Variants in PHYHIPL observed in about 807,000 individuals in gnomAD.
The protein encoded by PHYHIPL is phytanoyl-CoA 2-hydroxylase interacting protein like, also known as phytanoyl-CoA hydroxylase-interacting protein-like.
PHYHIPL carries 9 observed loss-of-function variants against 33.4 expected under a neutral mutation model. The ratio of observed to expected loss-of-function variants is 0.27; its 90% CI spans 0.16 to 0.47. The LOEUF is 0.47. PHYHIPL is among the 20% of genes least tolerant of loss of function. The pLI, the probability that PHYHIPL is intolerant of heterozygous loss-of-function variation, is 0.99. For synonymous variants in PHYHIPL, 153 were observed against 154.1 expected, an observed-to-expected ratio of 0.99 and a Z score of 0.05; for missense variants, 365 against 460.7, an observed-to-expected ratio of 0.79 and a Z score of 1.90.
At chr10:59,213,342 C>A (rs1358209303) in intron 1 of PHYHIPL, among the ~76,000 whole-genome samples, 1 of 152,104 alleles carries the variant, frequency 6.6e-6, no homozygotes, top group Non-Finnish European at 1.5e-5. Flanking sequence ...TATACTCTAG[C>A]CTTATTTCCT....
chr10:59,206,676 T>C (rs1458334206), intron 1 of PHYHIPL: 2 of 447,256 alleles, frequency 4.5e-6, no homozygotes, highest in Admixed American at 5.1e-5. Flanking sequence ...CAAATTTGTA[T>C]ATTGGTACAT....
At chr10:59,240,277 T>C (rs1840352906) in intron 4 of PHYHIPL, among the ~76,000 whole-genome samples, 1 of 152,054 alleles carries the variant, frequency 6.6e-6, no homozygotes, top group Non-Finnish European at 1.5e-5. Context: ...GCAATGACCA[T>C]ATAGACTTAG....
intron 1 of PHYHIPL, among the ~76,000 whole-genome samples, chr10:59,225,946 A>G (rs1324301932): frequency 1.3e-5 from 2 of 152,166 alleles, no homozygotes; most frequent in East Asian, 1.9e-4. Flanking sequence ...CTATGAAACA[A>G]TTCTACAGAG....
At chr10:59,192,941 G>A (rs1838819304) in intron 1 of PHYHIPL, among the ~76,000 whole-genome samples, 2 of 152,216 alleles carry the variant, frequency 1.3e-5, no homozygotes, top group South Asian at 4.1e-4. Flanking sequence ...TTTTCAGAAG[G>A]CTGTTAGAAA....
At chr10:59,193,386 G>A (rs546853678) in intron 1 of PHYHIPL, among the ~76,000 whole-genome samples, 1 of 152,130 alleles carries the variant, frequency 6.6e-6, no homozygotes, top group South Asian at 2.1e-4. Context: ...AACATAATCT[G>A]TGTTGCATAA....
rs200707135 is a variant in PHYHIPL at position 59,245,108 on chromosome 10, C to T, written c.648C>T (p.Ser216=). 4.6e-5 allele frequency: 74 copies of T among 1,613,782 alleles called. No individual in the cohort carries two copies. The highest frequency in any genetic ancestry group is 3.1e-5 in the Non-Finnish European group (36 of 1,179,872). Residue 216 remains serine, a synonymous_variant, in exon 5 of 5, where the codon AGC becomes AGT. Transcript: ENST00000373880. ...CATCTGTCAAGGATAACAGTGGTAG[C>T]CATGGCTCTCCTATCAGTGGAAAAT... ...MQPSVKDNSG[S]HGSPISGKLE...
intron 1 of PHYHIPL, among the ~76,000 whole-genome samples, chr10:59,214,930 C>T (rs1237960558): frequency 6.6e-6 from 1 of 151,932 alleles, no homozygotes; most frequent in Non-Finnish European, 1.5e-5. Flanking sequence ...ATAGAACATT[C>T]TAGATGGATA....
chr10:59,184,263 C>T (rs1393498336), intron 1 of PHYHIPL, among the ~76,000 whole-genome samples: 1 of 152,158 alleles, frequency 6.6e-6, no homozygotes, highest in Admixed American at 6.5e-5. Flanking sequence ...TCTATGGCTA[C>T]TTTCTTGCTA....
At chr10:59,221,824 C>A in intron 1 of PHYHIPL, 1 of 451,974 alleles carries the variant, frequency 2.2e-6, no homozygotes, top group Non-Finnish European at 2.9e-6. Flanking sequence ...GCTTCAGAGT[C>A]TGAAGTTCCA....
At chr10:59,225,767 A>T (rs147495500) in intron 1 of PHYHIPL, among the ~76,000 whole-genome samples, 1 of 152,202 alleles carries the variant, frequency 6.6e-6, no homozygotes, top group Non-Finnish European at 1.5e-5. Flanking sequence ...ACCCCTTCAG[A>T]TTAAAATCTA....
intron 1 of PHYHIPL, among the ~76,000 whole-genome samples, chr10:59,212,498 C>T (rs1212152609): frequency 6.6e-6 from 1 of 152,200 alleles, no homozygotes; most frequent in Non-Finnish European, 1.5e-5. Context: ...CATACTTCAA[C>T]CACTCCTAGG....
chr10:59,241,986 C>G (rs916064424), intron 4 of PHYHIPL, among the ~76,000 whole-genome samples: 3 of 152,126 alleles, frequency 2.0e-5, no homozygotes, highest in African/African-American at 7.2e-5. Context: ...CAATAACCAC[C>G]ATACCCCAGG....
chr10:59,219,270 C>G, intron 1 of PHYHIPL: 2 of 923,428 alleles, frequency 2.2e-6, no homozygotes, highest in Non-Finnish European at 2.6e-6. Flanking sequence ...GAATAAATTG[C>G]TGTAGTGTTT....
chr10:59,179,327 G>A (rs1184692387), intron 1 of PHYHIPL, among the ~76,000 whole-genome samples: 2 of 152,044 alleles, frequency 1.3e-5, no homozygotes, highest in Admixed American at 1.3e-4. Flanking sequence ...TTTTACTTCT[G>A]TAACTATGTA....
intron 1 of PHYHIPL, among the ~76,000 whole-genome samples, chr10:59,199,901 G>A (rs568274181): frequency 2.0e-5 from 3 of 152,272 alleles, no homozygotes; most frequent in African/African-American, 2.4e-5. Context: ...TTTGCACCTT[G>A]ATTTTGTATC....
At chr10:59,176,032 C>G (rs1433158933), upstream of PHYHIPL, among the ~76,000 whole-genome samples, 1 of 152,202 alleles carries the variant, frequency 6.6e-6, no homozygotes, top group Non-Finnish European at 1.5e-5. Flanking sequence ...GCTTCAGTGT[C>G]GTGGACTGGC....
intron 4 of PHYHIPL, among the ~76,000 whole-genome samples, chr10:59,244,586 A>AAAAAAAAAAAAAG (rs1554801182): frequency 7.3e-6 from 1 of 136,582 alleles, no homozygotes; most frequent in African/African-American, 2.7e-5. Context: ...AAAAAAAAAA[A>AAAAAAAAAAAAAG]GCCAAAACAA....
intron 1 of PHYHIPL, among the ~76,000 whole-genome samples, chr10:59,188,171 G>A (rs898019416): frequency 6.6e-6 from 1 of 152,090 alleles, no homozygotes; most frequent in East Asian, 1.9e-4. Flanking sequence ...TTGTGTCTTT[G>A]TTCTCATTGG....
At chr10:59,234,039 G>T (rs758549807) in intron 1 of PHYHIPL, among the ~76,000 whole-genome samples, 2 of 151,722 alleles carry the variant, frequency 1.3e-5, no homozygotes, top group African/African-American at 2.4e-5. Flanking sequence ...GAGCAAAATT[G>T]ATTGGTCATG....
Sources: gnomAD v4.1 joint callset for allele counts (sites outside exome capture counted in the v4.1 genomes callset) on GRCh38, gnomAD v4.1.1 for gene constraint, MANE v1.5 for transcripts, NCBI Gene and HGNC (gene_info 2026-07-23, HGNC 2026-07-21) for gene names.